COQ8A: variants seen among roughly 807,000 people sequenced by gnomAD.
The protein encoded by COQ8A is coenzyme Q8A.
Under a neutral mutation model 65.0 loss-of-function variants are expected in COQ8A, and 51 were observed. The observed-to-expected ratio is 0.78, with a 90% confidence interval of 0.63 to 0.99. COQ8A has a LOEUF of 0.99. Among genes scored for constraint, COQ8A ranks in the 50% least tolerant of loss-of-function variants. The pLI is 0.00. For synonymous variants in COQ8A, 371 were observed against 353.2 expected, an observed-to-expected ratio of 1.05 and a Z score of -0.57; for missense variants, 940 against 875.0, an observed-to-expected ratio of 1.07 and a Z score of -0.94.
intron 1 of COQ8A, among the ~76,000 whole-genome samples, chr1:226,947,803 AT>A (rs201282423): frequency 0.48 from 63,617 of 133,514 alleles, 13,699 homozygotes; most frequent in African/African-American, 0.53. Flanking sequence ...TCAAAAAAAT[AT>A]ATATATATAT....
At chr1:226,974,420 C>T (rs1012314887) in intron 4 of COQ8A, among the ~76,000 whole-genome samples, 1 of 152,192 alleles carries the variant, frequency 6.6e-6, no homozygotes, top group East Asian at 1.9e-4. Context: ...TGGGCCAAGC[C>T]GGGGGCGCTC....
At chr1:226,969,017 T>C (rs1658730835) in intron 4 of COQ8A, among the ~76,000 whole-genome samples, 1 of 152,216 alleles carries the variant, frequency 6.6e-6, no homozygotes, top group African/African-American at 2.4e-5. Flanking sequence ...GTTTTCTCTT[T>C]TGTAAAATAA....
At chr1:226,965,565 C>G (rs1350053192) in intron 3 of COQ8A, 106 bp from the exon 4 acceptor site, 9 of 1,511,306 alleles carry the variant, frequency 6.0e-6, no homozygotes, top group Non-Finnish European at 6.4e-6. Context: ...TCAGGCGGAG[C>G]TGCTGACTGT....
At chr1:226,960,254 TGGTGGTGGTGGTACTTGGTGGC>T in intron 1 of COQ8A, among the ~76,000 whole-genome samples, 1 of 146,336 alleles carries the variant, frequency 6.8e-6, no homozygotes, top group Admixed American at 6.9e-5. Flanking sequence ...TCCTTGGTGG[TGGTGGTGGTGGTACTTGGTGGC>T]GGTGGTACTT....
Position 226,970,132 on chromosome 1 carries a change from T to C in COQ8A, c.655+4395T>C, listed in dbSNP as rs1658806458. ...CATGCCCGGCTAATTTTTGTAGTTT[T>C]AGCGGAGACAGGGTTTTGCCATGTT... On this transcript the variant is annotated intron_variant, in intron 4 of 14. Transcript: ENST00000366777. Among the ~76,000 whole-genome samples the C allele has an allele frequency of 5.3e-5, 8 of 152,356 alleles. No individual in the cohort carries two copies. In the South Asian group the frequency reaches 1.7e-3, roughly 32 times the overall value.
intron 13 of COQ8A, 72 bp downstream of exon 13, chr1:226,985,013 G>A (rs1010525938): frequency 7.6e-6 from 12 of 1,569,792 alleles, no homozygotes; most frequent in Non-Finnish European, 1.0e-5. Context: ...GGGACTCGGG[G>A]TAGGGAGAAT....
Position 226,986,601 on chromosome 1 carries a change from C to A in COQ8A, c.1808C>A (p.Pro603His), listed in dbSNP as rs1558211843. Residue 603 changes from proline (P) to histidine (H), a missense_variant, in exon 15 of 15, where the codon CCC becomes CAC. Transcript: ENST00000366777. ...CTGAGGCACCGTCTCGTCCCCCCAC[C>A]CGAGGAAACCTACTCCCTGCACAGG... The part of the protein sequence containing the change: ...VMLRHRLVPP[P>H]EETYSLHRKM... 1 of 1,613,852 alleles carries A rather than the reference C, an allele frequency of 6.2e-7. No homozygotes were observed. Among genetic ancestry groups the A allele is most frequent in the South Asian group, 1.1e-5 (1 of 91,076 alleles).
At chr1:226,956,403 C>T (rs1173402786) in intron 1 of COQ8A, among the ~76,000 whole-genome samples, 1 of 141,054 alleles carries the variant, frequency 7.1e-6, no homozygotes, top group Non-Finnish European at 1.5e-5. Flanking sequence ...TTCCCATTCT[C>T]CCTGGTTCCC....
At position 226,986,749 on chromosome 1, in the gene COQ8A, A is replaced by T; in HGVS notation, c.*12A>T. ...AGGCCCAGCAGTAGGGCTGCGGGCCACGCCCAGGCCGGCTCCGCGGGAACT... is the reference window on the plus strand; with the variant it reads ...AGGCCCAGCAGTAGGGCTGCGGGCCTCGCCCAGGCCGGCTCCGCGGGAACT... On this transcript the variant is annotated 3_prime_UTR_variant, in exon 15 of 15. Transcript: ENST00000366777. 6.2e-7 allele frequency: 1 copy of T among 1,611,138 alleles called. No homozygotes were observed. The highest frequency in any genetic ancestry group is 8.5e-7 in the Non-Finnish European group (1 of 1,179,782).
intron 1 of COQ8A, among the ~76,000 whole-genome samples, chr1:226,944,692 TGAGAGAGAGA>T (rs1174520293): frequency 3.7e-4 from 32 of 86,702 alleles, no homozygotes; most frequent in Non-Finnish European, 5.5e-4. Context: ...AGTTGTACCC[TGAGAGAGAGA>T]GAGAGAGAGA....
chr1:226,974,384 C>T lies in COQ8A; in HGVS notation c.656-3065C>T, dbSNP rs573644450. Among the ~76,000 whole-genome samples, 145 of 152,364 alleles carry T rather than the reference C, an allele frequency of 9.5e-4. 1 individual carries two copies. The highest frequency in any genetic ancestry group is 3.1e-3 in the African/African-American group (131 of 41,588). ...TGGAGCTTGTGCTGGGGCTGGTTTT[C>T]CTCCAGGACGACCTTGCTGGCCACG... On this transcript the variant is annotated intron_variant, in intron 4 of 14. Transcript: ENST00000366777.
In COQ8A at chr1:226,986,859, C is replaced by A; in HGVS notation, c.*122C>A. 7.9e-7 allele frequency: 1 copy of A among 1,260,018 alleles called. No individual in the cohort carries two copies. Among genetic ancestry groups the A allele is most frequent in the Non-Finnish European group, 1.1e-6 (1 of 903,226 alleles). 78.1% of individuals were successfully genotyped at this position (1,260,018 alleles called of 1,614,324 possible). ...CTTTGCCCAATAAGGGGGGTGGCTG[C>A]CTGGAGCCCCGTAGCCAGCGCTTTC... is the stretch of plus-strand genomic sequence containing the variant. On this transcript the variant is annotated 3_prime_UTR_variant, in exon 15 of 15. Transcript: ENST00000366777.
At chr1:226,953,144 T>G (rs965626549) in intron 1 of COQ8A, among the ~76,000 whole-genome samples, 3 of 152,014 alleles carry the variant, frequency 2.0e-5, no homozygotes, top group Non-Finnish European at 2.9e-5. Context: ...ATCCTCCTGC[T>G]TCAGCCTCCC....
chr1:226,976,439 C>T lies in COQ8A; in HGVS notation c.656-1010C>T, dbSNP rs1384022769. ...GCCTGGCTTCGGGGCTGCGGGGCTG[C>T]GGGGCTGCGATGTTGCCCGGGTGCG... On this transcript the variant is annotated intron_variant, in intron 4 of 14. Coordinates refer to ENST00000366777, the MANE Select transcript of COQ8A (RefSeq NM_020247.5). Among the ~76,000 whole-genome samples, 5 of 150,866 alleles carry T rather than the reference C, an allele frequency of 3.3e-5. No individual in the cohort carries two copies. In the East Asian group the frequency reaches 9.8e-4, roughly 30 times the overall value.
Position 226,965,169 on chromosome 1 carries a change from C to A in COQ8A, c.347C>A (p.Ala116Asp). 6.2e-7 allele frequency: 1 copy of A among 1,613,834 alleles called. No individual in the cohort carries two copies. Among genetic ancestry groups the A allele is most frequent in the East Asian group, 2.2e-5 (1 of 44,884 alleles). ...GGTCATGCCCACAGCGAGGGCCCAG[C>A]TCCTGCCTACGTGGCCAGTGGACCC... ...SLGHAHSEGP[A>D]PAYVASGPFR... Residue 116 changes from alanine (A) to aspartate (D), a missense_variant, in exon 3 of 15, where the codon GCT (alanine) becomes GAT (aspartate). Ala to Asp is a moderately radical substitution (Grantham distance 126). Transcript: ENST00000366777.
intron 1 of COQ8A, among the ~76,000 whole-genome samples, chr1:226,948,658 T>G (rs1438610619): frequency 6.6e-6 from 1 of 152,170 alleles, no homozygotes; most frequent in Non-Finnish European, 1.5e-5. Context: ...ACGCTTGCGC[T>G]TGTAATTTGT....
At position 226,981,987 on chromosome 1, in the gene COQ8A, C is replaced by T. The variant is rs368064555; in HGVS notation, c.731-40C>T. The T allele has an allele frequency of 1.9e-6, 3 of 1,612,624 alleles. No individual in the cohort carries two copies. In the South Asian group the frequency reaches 3.3e-5, roughly 18 times the overall value. On this transcript the variant is annotated intron_variant, in intron 5 of 14. Transcript: ENST00000366777. ...GGGGCTTGCCATCCCACTCCCAGACCCCCCCGAGTGCCGTGGTGACCCCTC... is the reference window on the plus strand; with the variant it reads ...GGGGCTTGCCATCCCACTCCCAGACTCCCCCGAGTGCCGTGGTGACCCCTC...
chr1:226,951,941 C>T (rs1657414668), intron 1 of COQ8A, among the ~76,000 whole-genome samples: 1 of 152,134 alleles, frequency 6.6e-6, no homozygotes, highest in Non-Finnish European at 1.5e-5. Flanking sequence ...CTAACCCCTG[C>T]CCTGGAAGGA....
At position 226,982,167 on chromosome 1, in the gene COQ8A, C is replaced by T. The variant is rs1364389142; in HGVS notation, c.853+18C>T. The T allele has an allele frequency of 4.5e-6, 7 of 1,562,872 alleles. No individual in the cohort carries two copies. Among genetic ancestry groups the T allele is most frequent in the East Asian group, 2.4e-5 (1 of 41,632 alleles). On this transcript the variant is annotated intron_variant, in intron 6 of 14. Transcript: ENST00000366777. ...CATCCAGGGTGAGTGGGCGCGGGGG[C>T]TGCTGCCCCGGGACTGCGTGGGCTG...
Sources: gnomAD v4.1 joint callset for allele counts (sites outside exome capture counted in the v4.1 genomes callset) on GRCh38, gnomAD v4.1.1 for gene constraint, MANE v1.5 for transcripts, NCBI Gene and HGNC (gene_info 2026-07-23, HGNC 2026-07-21) for gene names.